The following TM2D1 variants were observed in gnomAD, a reference collection of about 807,000 sequenced individuals.
TM2D1 encodes TM2 domain-containing protein 1.
Under a neutral mutation model 28.4 loss-of-function variants are expected in TM2D1, and 15 were observed. The ratio of observed to expected loss-of-function variants is 0.53; its 90% confidence interval spans 0.35 to 0.81. The LOEUF (loss-of-function observed/expected upper bound fraction) is 0.81. TM2D1 is among the 40% of genes least tolerant of loss of function. The pLI is 0.01. For synonymous variants in TM2D1, 93 were observed against 96.2 expected (o/e 0.97, Z 0.20); for missense variants, 236 against 254.9 (o/e 0.93, Z 0.50).
At chr1:61,723,640 T>C (rs1187168260) in intron 2 of TM2D1, 73 bp downstream of exon 2, 1 of 730,174 alleles carries the variant, frequency 1.4e-6, no homozygotes, top group Non-Finnish European at 2.1e-6. Context: ...TAATTGCCTT[T>C]AGTGATCATA....
chr1:61,710,446 A>AG (rs1491269207), intron 2 of TM2D1, among the ~76,000 whole-genome samples: 125 of 104,402 alleles, frequency 1.2e-3, no homozygotes, highest in East Asian at 5.0e-3. Flanking sequence ...AAAAAAAAAA[A>AG]TGTATATATA....
chr1:61,700,059 A>G, intron 4 of TM2D1: 1 of 1,341,572 alleles, frequency 7.5e-7, no homozygotes, highest in African/African-American at 1.5e-5. Context: ...CTAATATAGA[A>G]GCAGAGTACT....
chr1:61,709,458 G>T, intron 2 of TM2D1, 21 bp from the exon 3 acceptor site: 1 of 1,545,978 alleles, frequency 6.5e-7, no homozygotes, highest in East Asian at 2.3e-5. Context: ...AAAAAGTCAA[G>T]AAACTGTTAT....
At chr1:61,719,274 T>C (rs1179186124) in intron 2 of TM2D1, among the ~76,000 whole-genome samples, 1 of 152,144 alleles carries the variant, frequency 6.6e-6, no homozygotes, top group African/African-American at 2.4e-5. Context: ...GGTCTAGAAC[T>C]CCTGGGTTCA....
At chr1:61,713,653 A>G (rs1644495466) in intron 2 of TM2D1, among the ~76,000 whole-genome samples, 1 of 152,078 alleles carries the variant, frequency 6.6e-6, no homozygotes, top group African/African-American at 2.4e-5. Context: ...TTTTCTCTAC[A>G]AGTATCTACC....
chr1:61,700,939 G>A lies in TM2D1; in HGVS notation c.434C>T (p.Ala145Val), dbSNP rs1345505939. The A allele has an allele frequency of 6.2e-7, 1 of 1,603,768 alleles. No homozygotes were observed. Among genetic ancestry groups the A allele is most frequent in the Admixed American group, 1.7e-5 (1 of 58,628 alleles). Residue 145 changes from alanine to valine, a missense_variant, in exon 4 of 7, where the codon GCT becomes GTT. Physicochemically the swap from Ala to Val is moderately conservative, Grantham distance 64. This residue lies in a region of TM2D1 where 64 missense variants were observed against 73.1 expected (regional missense o/e 0.88). Coordinates refer to ENST00000606498, the MANE Select transcript of TM2D1 (RefSeq NM_032027.3). ...GADRFYLGYP[A>V]LGLLKFCTVG... is the part of the protein sequence containing the mutation. The stretch of plus-strand genomic sequence containing the variant: ...TTTTAATGAAACATACGCACCCAAA[G>A]CAGGGTATCCAAGGTAAAATCGATC...
intron 1 of TM2D1, among the ~76,000 whole-genome samples, chr1:61,724,121 G>C (rs908337301): frequency 2.0e-5 from 3 of 152,134 alleles, no homozygotes; most frequent in African/African-American, 4.8e-5. Flanking sequence ...AGAAAACAGA[G>C]TTCAAATAGG....
intron 4 of TM2D1, among the ~76,000 whole-genome samples, chr1:61,695,323 T>C (rs1190750520): frequency 2.0e-5 from 3 of 152,138 alleles, no homozygotes; most frequent in Non-Finnish European, 4.4e-5. Flanking sequence ...AGCTCTATAG[T>C]CAAAATCAAC....
intron 3 of TM2D1, among the ~76,000 whole-genome samples, chr1:61,706,574 C>A (rs974478724): frequency 2.0e-5 from 3 of 151,710 alleles, no homozygotes; most frequent in Non-Finnish European, 4.4e-5. Flanking sequence ...TTTGGGAGGC[C>A]AAAGCAGGTG....
intron 5 of TM2D1, among the ~76,000 whole-genome samples, chr1:61,687,437 AT>A (rs1410350468): frequency 1.3e-5 from 2 of 152,206 alleles, no homozygotes; most frequent in Non-Finnish European, 2.9e-5. Flanking sequence ...AAAAGCTAGT[AT>A]CTTATTTGCA....
At chr1:61,697,232 G>A (rs1644369585) in intron 4 of TM2D1, among the ~76,000 whole-genome samples, 1 of 151,086 alleles carries the variant, frequency 6.6e-6, no homozygotes, top group Non-Finnish European at 1.5e-5. Context: ...GTAAGTCACT[G>A]TAATGATTAA....
intron 6 of TM2D1, among the ~76,000 whole-genome samples, chr1:61,682,892 CA>C (rs66468339): frequency 2.1e-3 from 130 of 60,648 alleles, no homozygotes; most frequent in Middle Eastern, 0.011. Context: ...GACTCTGTCT[CA>C]AAAAAAAAAA....
chr1:61,716,438 T>C lies in TM2D1; in HGVS notation c.239-7001A>G, dbSNP rs539326512. ...ATGTATATAATTATATATAAGTGTA[T>C]AATTATATATAATTTTATATACATA... On this transcript the variant is annotated intron_variant, in intron 2 of 6. Coordinates refer to ENST00000606498, the MANE Select transcript of TM2D1 (RefSeq NM_032027.3). Among the ~76,000 whole-genome samples the C allele has an allele frequency of 4.0e-4, 58 of 145,994 alleles. 1 individual carries two copies. In the East Asian group the frequency reaches 6.3e-3, roughly 16 times the overall value.
At chr1:61,721,386 A>T (rs889303812) in intron 2 of TM2D1, among the ~76,000 whole-genome samples, 1 of 151,952 alleles carries the variant, frequency 6.6e-6, no homozygotes, top group African/African-American at 2.4e-5. Context: ...TACTAAAAAT[A>T]CAAAGATTAG....
Position 61,709,314 on chromosome 1 carries a change from C to T in TM2D1, c.347+15G>A, listed in dbSNP as rs1466520477. ...GCAAGTAATCTGAAAATTTAAGTTT[C>T]AGTAATGTACTTACACATTTCGGCA... is the stretch of plus-strand genomic sequence containing the variant. On this transcript the variant is annotated intron_variant, in intron 3 of 6. Coordinates refer to ENST00000606498, the MANE Select transcript of TM2D1 (RefSeq NM_032027.3). The T allele has an allele frequency of 1.3e-6, 2 of 1,538,510 alleles. No individual in the cohort carries two copies. The highest frequency in any genetic ancestry group is 1.4e-5 in the African/African-American group (1 of 73,008).
At chr1:61,714,643 C>T (rs570558290) in intron 2 of TM2D1, among the ~76,000 whole-genome samples, 1 of 152,308 alleles carries the variant, frequency 6.6e-6, no homozygotes, top group African/African-American at 2.4e-5. Context: ...CAGCCTCAAC[C>T]CCCTGGGCTT....
At chr1:61,693,730 CA>C (rs749840846) in intron 5 of TM2D1, among the ~76,000 whole-genome samples, 7 of 152,120 alleles carry the variant, frequency 4.6e-5, no homozygotes, top group Admixed American at 2.6e-4. Context: ...ATAATGATAA[CA>C]TCAAGCAGAC....
intron 5 of TM2D1, chr1:61,687,052 T>A: frequency 3.5e-6 from 3 of 853,116 alleles, no homozygotes; most frequent in Non-Finnish European, 4.2e-6. Flanking sequence ...CTAAGAAATA[T>A]CCTGAAGCTG....
intron 5 of TM2D1, chr1:61,694,426 A>C (rs1193658080): frequency 3.8e-6 from 1 of 261,060 alleles, no homozygotes; most frequent in Non-Finnish European, 7.2e-6. Flanking sequence ...TCTTTAACTC[A>C]ATTGAACTCA....
Sources: gnomAD v4.1 joint callset for allele counts (sites outside exome capture counted in the v4.1 genomes callset) on GRCh38, gnomAD v4.1.1 for gene constraint, gnomAD v4.1.1 regional missense constraint, MANE v1.5 for transcripts, NCBI Gene and HGNC (gene_info 2026-07-23, HGNC 2026-07-21) for gene names.